CNTNAP2: variants seen among roughly 807,000 people sequenced by gnomAD.
CNTNAP2 encodes contactin associated protein 2.
In CNTNAP2, 98 loss-of-function variants were observed where a neutral mutation model predicts 155.2. The observed-to-expected ratio is 0.63, with a 90% CI of 0.54 to 0.75. The LOEUF is 0.75. Among genes scored for constraint, CNTNAP2 ranks in the 30% least tolerant of loss-of-function variants. The pLI is 0.00. For synonymous variants in CNTNAP2, 651 were observed against 631.2 expected (o/e 1.03, Z -0.47); for missense variants, 1,727 against 1,688.1 (o/e 1.02, Z -0.40).
chr7:147,347,996 T>A (rs998964639), intron 9 of CNTNAP2, among the ~76,000 whole-genome samples: 2 of 151,892 alleles, frequency 1.3e-5, no homozygotes, highest in African/African-American at 4.8e-5. Flanking sequence ...AGAATGAAAC[T>A]AGACCCCCAC....
intron 1 of CNTNAP2, among the ~76,000 whole-genome samples, chr7:146,142,302 G>T (rs1240337825): frequency 6.6e-6 from 1 of 152,144 alleles, no homozygotes; most frequent in Non-Finnish European, 1.5e-5. Flanking sequence ...TTCCTCTGGG[G>T]AGACACTGTC....
chr7:146,299,431 C>T (rs936219918), intron 1 of CNTNAP2, among the ~76,000 whole-genome samples: 3 of 152,032 alleles, frequency 2.0e-5, no homozygotes, highest in African/African-American at 4.8e-5. Flanking sequence ...GTTGGAGTCA[C>T]GGAGTGCAGT....
At position 146,571,274 on chromosome 7, in the gene CNTNAP2, G is replaced by A. The variant is rs1798436077; in HGVS notation, c.98-202997G>A. Among the ~76,000 whole-genome samples the A allele has an allele frequency of 3.3e-5, 5 of 151,520 alleles. No homozygotes were observed. The South Asian group carries it at 1.0e-3, about 32-fold the overall frequency. On this transcript the variant is annotated intron_variant, in intron 1 of 23. Transcript: ENST00000361727. ...CTGTAATGGGAAGTATTATAATAGG[G>A]GATCTCCACTCTGCTCAGATACAGG...
chr7:147,009,900 A>T (rs969918997), intron 3 of CNTNAP2, among the ~76,000 whole-genome samples: 7 of 152,144 alleles, frequency 4.6e-5, no homozygotes, highest in Non-Finnish European at 7.3e-5. Flanking sequence ...GAAAATACAT[A>T]CTGATGTAAA....
intron 1 of CNTNAP2, among the ~76,000 whole-genome samples, chr7:146,763,274 T>C (rs1056801288): frequency 1.2e-4 from 18 of 152,160 alleles, no homozygotes; most frequent in African/African-American, 1.9e-4. Context: ...ACTCCACAGA[T>C]ATCAGATAAC....
chr7:146,166,195 G>C (rs183223641), intron 1 of CNTNAP2, among the ~76,000 whole-genome samples: 1 of 152,176 alleles, frequency 6.6e-6, no homozygotes, highest in East Asian at 1.9e-4. Flanking sequence ...TTGTGTTCAG[G>C]CGATTCTCCT....
intron 17 of CNTNAP2, 143 bp from the exon 18 acceptor site, chr7:148,172,099 C>G: frequency 1.2e-6 from 1 of 826,948 alleles, no homozygotes; most frequent in Non-Finnish European, 2.0e-6. Flanking sequence ...TCAACTTTCT[C>G]TATTTAGATA....
At chr7:147,890,968 C>T (rs1259071917) in intron 13 of CNTNAP2, among the ~76,000 whole-genome samples, 2 of 152,066 alleles carry the variant, frequency 1.3e-5, no homozygotes, top group Non-Finnish European at 1.5e-5. Context: ...TGAGGTAATG[C>T]GTATGTTCAT....
intron 10 of CNTNAP2, among the ~76,000 whole-genome samples, chr7:147,409,255 G>T (rs1289386004): frequency 1.3e-5 from 2 of 152,118 alleles, no homozygotes; most frequent in Non-Finnish European, 2.9e-5. Context: ...GGTACACTTA[G>T]AACGATCTGA....
chr7:147,502,275 A>C (rs1798828876), intron 11 of CNTNAP2, among the ~76,000 whole-genome samples: 1 of 152,246 alleles, frequency 6.6e-6, no homozygotes, highest in East Asian at 1.9e-4. Flanking sequence ...AAGCAATAGC[A>C]AAAGAAAGCT....
chr7:147,502,563 G>C (rs1203058426), intron 11 of CNTNAP2, among the ~76,000 whole-genome samples: 2 of 152,054 alleles, frequency 1.3e-5, no homozygotes, highest in Non-Finnish European at 2.9e-5. Context: ...ATAAGTTCTG[G>C]GGAGCTAATA....
chr7:146,789,067 T>C (rs1802627853), intron 2 of CNTNAP2, among the ~76,000 whole-genome samples: 1 of 152,158 alleles, frequency 6.6e-6, no homozygotes, highest in Non-Finnish European at 1.5e-5. Flanking sequence ...TATCTGATCC[T>C]TACAAAACCC....
At chr7:148,336,956 C>A (rs1798126304) in intron 21 of CNTNAP2, among the ~76,000 whole-genome samples, 1 of 152,072 alleles carries the variant, frequency 6.6e-6, no homozygotes, top group African/African-American at 2.4e-5. Flanking sequence ...TTGAAGATGC[C>A]CTGTCTACAA....
At chr7:146,958,571 G>A (rs1358211203) in intron 3 of CNTNAP2, among the ~76,000 whole-genome samples, 2 of 151,550 alleles carry the variant, frequency 1.3e-5, no homozygotes, top group Admixed American at 6.6e-5. Flanking sequence ...CCGCCACAAC[G>A]CCCGGCTAAT....
At chr7:147,441,332 T>C (rs1488435374) in intron 10 of CNTNAP2, among the ~76,000 whole-genome samples, 1 of 152,160 alleles carries the variant, frequency 6.6e-6, no homozygotes. Context: ...TGTTGTTAAA[T>C]TTATCTGATA....
chr7:147,012,164 T>A (rs1798639705), intron 3 of CNTNAP2, among the ~76,000 whole-genome samples: 1 of 152,030 alleles, frequency 6.6e-6, no homozygotes, highest in Admixed American at 6.6e-5. Context: ...TGGGAAGGAG[T>A]CACCCCTTTT....
At chr7:146,830,846 G>A (rs1013776006) in intron 2 of CNTNAP2, among the ~76,000 whole-genome samples, 1 of 152,130 alleles carries the variant, frequency 6.6e-6, no homozygotes, top group Non-Finnish European at 1.5e-5. Flanking sequence ...AAAAATGACA[G>A]TATACAGGAT....
In CNTNAP2 at chr7:148,316,349, T is replaced by TAA. The variant is rs59955297; in HGVS notation, c.3475+49232_3475+49233dup. Among the ~76,000 whole-genome samples, 861 of 149,228 alleles carry TAA rather than the reference T, an allele frequency of 5.8e-3. 10 individuals carry two copies. Among genetic ancestry groups the TAA allele is most frequent in the Middle Eastern group, 0.024 (7 of 294 alleles). On this transcript the variant is annotated intron_variant, in intron 21 of 23. Transcript: ENST00000361727. ...AACTTAAAGTATAATAAAAATATAT[T>TAA]AAAAAAAAAAGAAATGGGAAGCTGG...
At chr7:147,734,330 A>G (rs1482954892) in intron 13 of CNTNAP2, among the ~76,000 whole-genome samples, 1 of 152,110 alleles carries the variant, frequency 6.6e-6, no homozygotes, top group Non-Finnish European at 1.5e-5. Flanking sequence ...ATTGATTTGC[A>G]TATGTTGAAC....
Sources: allele counts gnomAD v4.1 joint callset (sites outside exome capture counted in the v4.1 genomes callset), GRCh38; gene constraint gnomAD v4.1.1; transcripts MANE v1.5; gene names NCBI Gene and HGNC (gene_info 2026-07-23, HGNC 2026-07-21).